VSIR: variants seen among roughly 807,000 people sequenced by gnomAD.
VSIR encodes the protein V-set immunoregulatory receptor.
Under a neutral mutation model 31.0 loss-of-function variants are expected in VSIR, and 10 were observed. The observed-to-expected ratio is 0.32, with a 90% CI of 0.20 to 0.55. The LOEUF is 0.55. Among genes scored for constraint, VSIR ranks in the 20% least tolerant of loss-of-function variants. The pLI, the probability that VSIR is intolerant of heterozygous loss-of-function variation, is 0.93. For synonymous variants in VSIR, 179 were observed against 180.1 expected, an observed-to-expected ratio of 0.99 and a Z score of 0.05; for missense variants, 356 against 416.2, an observed-to-expected ratio of 0.86 and a Z score of 1.26.
At chr10:71,759,864 C>T (rs1372596282) in intron 3 of VSIR, among the ~76,000 whole-genome samples, 4 of 102,120 alleles carry the variant, frequency 3.9e-5, no homozygotes, top group African/African-American at 6.8e-5. Context: ...CACACACACA[C>T]ATATATATAC....
rs1258595498 is a variant in VSIR at position 71,760,904 on chromosome 10, A to C, written c.532T>G (p.Cys178Gly). The C allele has an allele frequency of 6.2e-7, 1 of 1,613,700 alleles. No individual in the cohort carries two copies. Among genetic ancestry groups the C allele is most frequent in the Non-Finnish European group, 8.5e-7 (1 of 1,179,748 alleles). The change falls in exon 3 of 7, where the codon TGT becomes GGT. Residue 178 changes from cysteine to glycine, a missense_variant. Coordinates refer to ENST00000394957, the MANE Select transcript of VSIR (RefSeq NM_022153.2). ...TGGGAGGAGGATGGGTACACCACAC[A>C]GTTGGATGGTGCATCTTTGCCTGTG... is the stretch of plus-strand genomic sequence containing the variant. ...VQTGKDAPSN[C>G]VVYPSSSQDS...
rs1840000734 is a variant in VSIR at position 71,751,478 on chromosome 10, C to T, written c.899-188G>A. Among the ~76,000 whole-genome samples, 1 of 83,802 alleles carries T rather than the reference C, an allele frequency of 1.2e-5. No homozygotes were observed. Among genetic ancestry groups the T allele is most frequent in the Non-Finnish European group, 2.4e-5 (1 of 41,708 alleles). 55.0% of individuals were successfully genotyped at this position (83,802 alleles called of 152,430 possible). ...TGGGGGCCCCTCTGTCCCTCACCCT[C>T]AACCCCACCCCGTGAGGCCGTGGAA... On this transcript the variant is annotated intron_variant, in intron 6 of 6. Coordinates refer to ENST00000394957, the MANE Select transcript of VSIR (RefSeq NM_022153.2). This position sits in a 1 kb window ranked among gnomAD's most constrained non-coding sequence, Gnocchi z 4.9.
intron 1 of VSIR, among the ~76,000 whole-genome samples, chr10:71,771,755 C>A (rs1426916623): frequency 6.6e-6 from 1 of 152,214 alleles, no homozygotes; most frequent in East Asian, 1.9e-4. Context: ...AGGCCCCTGG[C>A]CATATAAGCA....
At chr10:71,768,416 C>T (rs1335248119) in intron 1 of VSIR, among the ~76,000 whole-genome samples, 5 of 152,130 alleles carry the variant, frequency 3.3e-5, no homozygotes, top group Non-Finnish European at 7.4e-5. Flanking sequence ...TGTGATCCAC[C>T]CGCCTCGTCC....
In VSIR at chr10:71,760,088, C is replaced by CATAT. The variant is rs1469023881; in HGVS notation, c.568+776_568+779dup. Among the ~76,000 whole-genome samples, 5 of 125,748 alleles carry CATAT rather than the reference C, an allele frequency of 4.0e-5. 1 individual carries two copies. The highest frequency in any genetic ancestry group is 8.5e-5 in the African/African-American group (3 of 35,240). The allele number at this position is 125,748 out of a possible 152,430, so 82.5% of individuals were successfully genotyped here. The stretch of plus-strand genomic sequence containing the variant: ...ACACACACACATATATATACACACA[C>CATAT]ATATACACACACACATACATACATA... On this transcript the variant is annotated intron_variant, in intron 3 of 6. Transcript: ENST00000394957.
rs773223258 is a variant in VSIR, at chr10:71,751,772, T to C, written c.794A>G (p.Tyr265Cys). 1.2e-5 allele frequency: 20 copies of C among 1,603,760 alleles called. No homozygotes were observed. Among genetic ancestry groups the C allele is most frequent in the East Asian group, 2.2e-5 (1 of 44,670 alleles). The stretch of plus-strand genomic sequence containing the variant: ...CTCAGAAGGCTGCCGCTGGGCCACA[T>C]AGGACAGGGGGTGCCTGACTTTGGC... Reference protein sequence around the residue: ...PEAKVRHPLSYVAQRQPSESG... With the variant: ...PEAKVRHPLSCVAQRQPSESG... Residue 265 changes from tyrosine (Y) to cysteine (C), a missense_variant, in exon 6 of 7, where the codon TAT (tyrosine) becomes TGT (cysteine). By Grantham distance (194) the Tyr-to-Cys change is radical. Coordinates refer to ENST00000394957, the MANE Select transcript of VSIR (RefSeq NM_022153.2). The surrounding 1 kb of genome is among the most constrained non-coding windows in gnomAD (Gnocchi z 4.9).
rs760000245 is a variant in VSIR, at chr10:71,751,711, G to A, written c.855C>T (p.Pro285=). 11 of 1,570,898 alleles carry A rather than the reference G, an allele frequency of 7.0e-6. No individual in the cohort carries two copies. The African/African-American group carries it at 8.2e-5, about 12-fold the overall frequency. Residue 285 remains proline, a synonymous_variant, in exon 6 of 7, where the codon CCC becomes CCT. Transcript: ENST00000394957. This position sits in a 1 kb window ranked among gnomAD's most constrained non-coding sequence, Gnocchi z 4.9. ...CGTCTCCGGGGCCTGGAGGAGACAG[G>A]GGGGTGCTGGGCTCCGAAAGCAGAT... ...GRHLLSEPST[P]LSPPGPGDVF...
At chr10:71,753,770 C>T in intron 4 of VSIR, 1 of 456,414 alleles carries the variant, frequency 2.2e-6, no homozygotes, top group Non-Finnish European at 4.4e-6. Context: ...GATGGGGAAA[C>T]AGATGGTGGG....
At chr10:71,767,772 C>G (rs550806807) in intron 1 of VSIR, among the ~76,000 whole-genome samples, 115 of 152,320 alleles carry the variant, frequency 7.5e-4, no homozygotes, top group Non-Finnish European at 1.5e-3. Context: ...TTTATTGATA[C>G]CTGCCCCCGC....
intron 1 of VSIR, among the ~76,000 whole-genome samples, chr10:71,764,003 C>A (rs1435779244): frequency 1.3e-5 from 2 of 152,164 alleles, no homozygotes. Flanking sequence ...AGTCTGGGAG[C>A]CCCAGATTTT....
At chr10:71,772,697 C>T (rs1840715257) in intron 1 of VSIR, among the ~76,000 whole-genome samples, 2 of 152,252 alleles carry the variant, frequency 1.3e-5, no homozygotes, top group Admixed American at 1.3e-4. Context: ...GAGTGTCCCA[C>T]ATCCTCCCCA....
At chr10:71,765,498 C>T (rs1342524640) in intron 1 of VSIR, among the ~76,000 whole-genome samples, 1 of 152,180 alleles carries the variant, frequency 6.6e-6, no homozygotes, top group Non-Finnish European at 1.5e-5. Context: ...GCCTGAGTGT[C>T]CCTGTGAACA....
At chr10:71,761,559 T>A (rs1840384653) in intron 2 of VSIR, 39 bp downstream of exon 2, 1 of 1,518,554 alleles carries the variant, frequency 6.6e-7, no homozygotes, top group South Asian at 1.3e-5. Flanking sequence ...CAGGCAGCCC[T>A]CCACACACGC....
At chr10:71,762,121 C>A in intron 1 of VSIR, 95 bp from the exon 2 acceptor site, 1 of 1,377,088 alleles carries the variant, frequency 7.3e-7, no homozygotes, top group Non-Finnish European at 9.6e-7. Flanking sequence ...TGCTACTTCC[C>A]AGCCACAGGC....
chr10:71,761,910 T>A lies in VSIR; in HGVS notation c.199A>T (p.Thr67Ser). ...CTGCGGTACCACGTCTTGTAGAAGGTCACATCGTGCCCTTTGTCCACAGGG... is the reference window on the plus strand; with the variant it reads ...CTGCGGTACCACGTCTTGTAGAAGGACACATCGTGCCCTTTGTCCACAGGG... The part of the protein sequence containing the change: ...LGPVDKGHDV[T>S]FYKTWYRSSR... Residue 67 changes from threonine (T) to serine (S), a missense_variant, in exon 2 of 7, where the codon ACC becomes TCC. Around this residue, in one of 2 missense-constraint regions of VSIR, gnomAD observed 166 missense variants for 231.0 expected, o/e 0.72. Transcript: ENST00000394957. 2 of 1,613,990 alleles carry A rather than the reference T, an allele frequency of 1.2e-6. No individual in the cohort carries two copies. The highest frequency in any genetic ancestry group is 1.7e-6 in the Non-Finnish European group (2 of 1,180,010).
intron 3 of VSIR, among the ~76,000 whole-genome samples, chr10:71,757,972 G>T (rs1370661860): frequency 6.6e-6 from 1 of 152,114 alleles, no homozygotes; most frequent in Non-Finnish European, 1.5e-5. Flanking sequence ...CCTACCTCAG[G>T]TTAACTTGTA....
chr10:71,759,846 CATAT>C (rs57617386), intron 3 of VSIR, among the ~76,000 whole-genome samples: 2,300 of 59,592 alleles, frequency 0.039, 139 homozygotes, highest in Non-Finnish European at 0.04. Context: ...CACACACACA[CATAT>C]ACACACACAC....
chr10:71,773,457 A>T lies in VSIR; in HGVS notation c.-18T>A. On this transcript the variant is annotated 5_prime_UTR_variant, in exon 1 of 7. Transcript: ENST00000394957. Reference sequence around the variant, plus strand: ...ACGCCCATGTCGCCGTCGGACGCGCAGAGGAACTTCTGGTGCCGGGGAGCG... The same window carrying T: ...ACGCCCATGTCGCCGTCGGACGCGCTGAGGAACTTCTGGTGCCGGGGAGCG... The T allele has an allele frequency of 6.3e-7, 1 of 1,580,752 alleles. No homozygotes were observed. Among genetic ancestry groups the T allele is most frequent in the Non-Finnish European group, 8.6e-7 (1 of 1,163,366 alleles).
At chr10:71,772,399 C>G (rs905040641) in intron 1 of VSIR, among the ~76,000 whole-genome samples, 2 of 152,224 alleles carry the variant, frequency 1.3e-5, no homozygotes, top group African/African-American at 4.8e-5. Context: ...TCCCTGGGCC[C>G]TCCCTATAAA....
Sources: gnomAD v4.1 joint callset for allele counts (sites outside exome capture counted in the v4.1 genomes callset) on GRCh38, gnomAD v4.1.1 for gene constraint, gnomAD v4.1.1 regional missense constraint, Gnocchi (gnomAD v3.1) non-coding constraint, MANE v1.5 for transcripts, NCBI Gene and HGNC (gene_info 2026-07-23, HGNC 2026-07-21) for gene names.